Variants in SSBP2 observed in about 807,000 individuals in gnomAD.
The protein encoded by SSBP2 is single-stranded DNA-binding protein 2.
Under a neutral mutation model 61.8 loss-of-function variants are expected in SSBP2, and 17 were observed. The ratio of observed to expected loss-of-function variants is 0.28; its 90% confidence interval spans 0.19 to 0.41. The LOEUF (loss-of-function observed/expected upper bound fraction) is 0.41. SSBP2 is among the 10% of genes least tolerant of loss of function. SSBP2 has a pLI of 1.00. For synonymous variants in SSBP2, 139 were observed against 141.3 expected (o/e 0.98, Z 0.12); for missense variants, 310 against 458.7 (o/e 0.68, Z 2.96).
intron 5 of SSBP2, among the ~76,000 whole-genome samples, chr5:81,503,864 C>T (rs1767983094): frequency 6.6e-6 from 1 of 152,152 alleles, no homozygotes. Context: ...GGCCATTATC[C>T]TTAGCAAACT....
At chr5:81,483,840 A>G (rs1766183405) in intron 6 of SSBP2, among the ~76,000 whole-genome samples, 1 of 152,172 alleles carries the variant, frequency 6.6e-6, no homozygotes, top group Non-Finnish European at 1.5e-5. Context: ...TGTTCAAATT[A>G]AAAGCTCTTT....
At chr5:81,593,643 T>A (rs1373667677) in intron 4 of SSBP2, among the ~76,000 whole-genome samples, 5 of 152,180 alleles carry the variant, frequency 3.3e-5, no homozygotes, top group African/African-American at 9.7e-5. Flanking sequence ...AGCGGATCTC[T>A]CGGCAGAAAC....
chr5:81,540,149 G>A (rs777871879), intron 4 of SSBP2, among the ~76,000 whole-genome samples: 9 of 152,102 alleles, frequency 5.9e-5, no homozygotes, highest in Non-Finnish European at 1.3e-4. Flanking sequence ...TCATTGATGG[G>A]CATTTGGGTT....
chr5:81,431,738 C>T (rs1392599071), intron 15 of SSBP2, among the ~76,000 whole-genome samples: 1 of 152,054 alleles, frequency 6.6e-6, no homozygotes, highest in Non-Finnish European at 1.5e-5. Flanking sequence ...ATGTGTGCTA[C>T]CACATCTGGC....
chr5:81,452,030 G>C (rs935601981), intron 10 of SSBP2, among the ~76,000 whole-genome samples: 2 of 151,976 alleles, frequency 1.3e-5, no homozygotes, highest in Non-Finnish European at 2.9e-5. Context: ...CTGGACAGTT[G>C]GGACTTACAG....
At chr5:81,689,643 T>A (rs1471602132) in intron 1 of SSBP2, among the ~76,000 whole-genome samples, 3 of 151,674 alleles carry the variant, frequency 2.0e-5, no homozygotes, top group Admixed American at 2.0e-4. Flanking sequence ...AAATAAAAAC[T>A]TTCCCAAAAA....
intron 5 of SSBP2, among the ~76,000 whole-genome samples, chr5:81,496,186 C>G (rs1767260898): frequency 6.8e-6 from 1 of 147,726 alleles, no homozygotes; most frequent in East Asian, 2.0e-4. Flanking sequence ...AGTTTTAAAA[C>G]TTTTTTTTTT....
At chr5:81,487,262 T>C (rs1188478954) in intron 6 of SSBP2, among the ~76,000 whole-genome samples, 1 of 152,228 alleles carries the variant, frequency 6.6e-6, no homozygotes, top group African/African-American at 2.4e-5. Flanking sequence ...GTTATATACA[T>C]ACAGTGCCTG....
chr5:81,536,056 C>T (rs987015735), intron 4 of SSBP2, among the ~76,000 whole-genome samples: 1 of 151,974 alleles, frequency 6.6e-6, no homozygotes, highest in Admixed American at 6.6e-5. Context: ...TAATAATAAA[C>T]AGCCCAATAA....
intron 4 of SSBP2, among the ~76,000 whole-genome samples, chr5:81,575,298 G>A (rs1341123024): frequency 6.6e-6 from 1 of 152,082 alleles, no homozygotes; most frequent in Non-Finnish European, 1.5e-5. Flanking sequence ...AGAGGTGCAG[G>A]AAGAAACGTT....
intron 4 of SSBP2, among the ~76,000 whole-genome samples, chr5:81,587,747 G>GCACA (rs952367728): frequency 3.1e-5 from 4 of 128,230 alleles, no homozygotes; most frequent in African/African-American, 8.7e-5. Flanking sequence ...ACACACACAC[G>GCACA]CACACACACG....
rs574086862 is a variant in SSBP2 at position 81,745,808 on chromosome 5, T to C, written c.62+5173A>G. 3.9e-5 allele frequency among the ~76,000 whole-genome samples: 6 copies of C among 152,228 alleles called. No individual in the cohort carries two copies. The East Asian group carries it at 1.2e-3, about 29-fold the overall frequency. On this transcript the variant is annotated intron_variant, in intron 1 of 16. Transcript: ENST00000320672. ...AGAAGATTCTAAATTTGAATTGTTTTTTCCCCCAAATTTTACTTCTAACTC... is the reference window on the plus strand; with the variant it reads ...AGAAGATTCTAAATTTGAATTGTTTCTTCCCCCAAATTTTACTTCTAACTC...
intron 4 of SSBP2, among the ~76,000 whole-genome samples, chr5:81,608,012 T>C (rs1288876758): frequency 1.3e-5 from 2 of 152,158 alleles, no homozygotes; most frequent in African/African-American, 2.4e-5. Context: ...CTTGTTTTCA[T>C]GCTAGTCTCT....
At chr5:81,628,268 A>C (rs1251141979) in intron 3 of SSBP2, among the ~76,000 whole-genome samples, 1 of 152,134 alleles carries the variant, frequency 6.6e-6, no homozygotes, top group East Asian at 1.9e-4. Flanking sequence ...GCCCCTTACA[A>C]AACCACCAGA....
chr5:81,613,312 G>C (rs1233200909), intron 4 of SSBP2, among the ~76,000 whole-genome samples: 1 of 152,028 alleles, frequency 6.6e-6, no homozygotes, highest in Non-Finnish European at 1.5e-5. Flanking sequence ...TACACAGTAA[G>C]GGGTTGTTCC....
At chr5:81,537,031 T>C (rs1561514598) in intron 4 of SSBP2, among the ~76,000 whole-genome samples, 1 of 152,044 alleles carries the variant, frequency 6.6e-6, no homozygotes, top group Non-Finnish European at 1.5e-5. Flanking sequence ...TAGCAATTGA[T>C]TTCTGTTTTA....
rs1339447815 is a variant in SSBP2 at position 81,413,895 on chromosome 5, G to C, written c.*6609C>G. 1 of 152,108 alleles carries C rather than the reference G, an allele frequency of 6.6e-6. No individual in the cohort carries two copies. The highest frequency in any genetic ancestry group is 1.5e-5 in the Non-Finnish European group (1 of 67,988). 9.4% of individuals were successfully genotyped at this position (152,108 alleles called of 1,614,324 possible). A position where few individuals can be genotyped will look rare whatever the true frequency, so the allele number is the denominator to read the frequency against. On this transcript the variant is annotated 3_prime_UTR_variant, in exon 17 of 17. Transcript: ENST00000320672. ...TTTACCAAGACATGATGGAAAGTTAGCTGACAAATATCATATTGTGTTCTG... is the reference window on the plus strand; with the variant it reads ...TTTACCAAGACATGATGGAAAGTTACCTGACAAATATCATATTGTGTTCTG...
intron 1 of SSBP2, among the ~76,000 whole-genome samples, chr5:81,688,068 T>C (rs1301499092): frequency 6.6e-6 from 1 of 152,116 alleles, no homozygotes. Context: ...GCCTTGGCTC[T>C]TGGATGGCAT....
Position 81,676,302 on chromosome 5 carries a change from C to T in SSBP2, c.63-25963G>A, listed in dbSNP as rs570811926. Among the ~76,000 whole-genome samples, 113 of 152,274 alleles carry T rather than the reference C, an allele frequency of 7.4e-4. 1 individual carries two copies. Among genetic ancestry groups the T allele is most frequent in the African/African-American group, 2.7e-3 (111 of 41,570 alleles). ...ATAGTATTTGAAGTGGTCTTCTTTTCTCCTATTCCTGCTCCTTTCCATAGT... is the reference window on the plus strand; with the variant it reads ...ATAGTATTTGAAGTGGTCTTCTTTTTTCCTATTCCTGCTCCTTTCCATAGT... On this transcript the variant is annotated intron_variant, in intron 1 of 16. Coordinates refer to ENST00000320672, the MANE Select transcript of SSBP2 (RefSeq NM_012446.5).
Sources: allele counts gnomAD v4.1 joint callset (sites outside exome capture counted in the v4.1 genomes callset), GRCh38; gene constraint gnomAD v4.1.1; transcripts MANE v1.5; gene names NCBI Gene and HGNC (gene_info 2026-07-23, HGNC 2026-07-21).